The following PDZD2 variants were observed in gnomAD, a reference collection of about 807,000 sequenced individuals.
The protein encoded by PDZD2 is PDZ domain containing 2.
In PDZD2, 90 loss-of-function variants were observed where a neutral mutation model predicts 220.7. That is an observed-to-expected ratio of 0.41 (90% CI 0.34 to 0.49). The LOEUF is 0.49. Among genes scored for constraint, PDZD2 ranks in the 20% least tolerant of loss-of-function variants. The pLI is 0.28. For missense variants in PDZD2, 3,174 were observed against 3,608.5 expected (o/e 0.88, Z 3.08); for synonymous variants, 1,375 against 1,450.5 (o/e 0.95, Z 1.18).
At chr5:31,937,598 C>G in intron 2 of PDZD2, among the ~76,000 whole-genome samples, 1 of 152,300 alleles carries the variant, frequency 6.6e-6, no homozygotes, top group Non-Finnish European at 1.5e-5. Context: ...GTCAAGCAAG[C>G]CCACACATCA....
chr5:31,719,515 CTAAA>C (rs1202948490), intron 1 of PDZD2, among the ~76,000 whole-genome samples: 1 of 152,136 alleles, frequency 6.6e-6, no homozygotes, highest in Non-Finnish European at 1.5e-5. Flanking sequence ...ACTCCTTGTA[CTAAA>C]TAAATTATTT....
chr5:31,924,482 G>T (rs978916133), intron 2 of PDZD2, among the ~76,000 whole-genome samples: 3 of 152,180 alleles, frequency 2.0e-5, no homozygotes, highest in African/African-American at 7.2e-5. Context: ...AATCGCTCCT[G>T]ATTCCCCCAG....
intron 12 of PDZD2, 120 bp downstream of exon 12, chr5:32,058,223 C>G (rs538762164): frequency 2.4e-5 from 16 of 659,156 alleles, no homozygotes; most frequent in African/African-American, 2.2e-4. Flanking sequence ...CTTCTATCAA[C>G]AACACGTGGT....
chr5:31,908,642 T>TATCG, intron 2 of PDZD2: 1 of 1,056,528 alleles, frequency 9.5e-7, no homozygotes, highest in Non-Finnish European at 1.4e-6. Context: ...GGTTACGTGA[T>TATCG]ATCAAAGACA....
At chr5:31,709,972 C>CATTTCTCTAAAAAAAAGAA (rs1748011250) in intron 1 of PDZD2, among the ~76,000 whole-genome samples, 2 of 152,288 alleles carry the variant, frequency 1.3e-5, no homozygotes, top group African/African-American at 4.8e-5. Context: ...AAGAAAGTCA[C>CATTTCTCTAAAAAAAAGAA]ATCAACACAT....
At chr5:31,960,848 ATATTT>A (rs1218097575) in intron 2 of PDZD2, among the ~76,000 whole-genome samples, 3 of 152,170 alleles carry the variant, frequency 2.0e-5, no homozygotes, top group East Asian at 3.9e-4. Flanking sequence ...ATGCTATGTA[ATATTT>A]TATATAAAGT....
chr5:31,811,991 A>AGAAT (rs1755141432), intron 2 of PDZD2, among the ~76,000 whole-genome samples: 1 of 138,788 alleles, frequency 7.2e-6, no homozygotes, highest in South Asian at 2.4e-4. Flanking sequence ...CTCTGTCTCA[A>AGAAT]AAATAAATAA....
intron 3 of PDZD2, among the ~76,000 whole-genome samples, chr5:31,988,914 T>C (rs1750948602): frequency 1.3e-5 from 2 of 152,164 alleles, no homozygotes; most frequent in Non-Finnish European, 2.9e-5. Flanking sequence ...TGCCGCCTGC[T>C]CTGTCATTAG....
At chr5:31,894,523 AT>A (rs1287987748) in intron 2 of PDZD2, among the ~76,000 whole-genome samples, 18 of 152,166 alleles carry the variant, frequency 1.2e-4, no homozygotes, top group South Asian at 2.1e-4. Context: ...CTTTAAAAAA[AT>A]AATCTTTAAA....
intron 2 of PDZD2, among the ~76,000 whole-genome samples, chr5:31,950,889 C>T (rs924395128): frequency 3.3e-5 from 5 of 152,132 alleles, no homozygotes; most frequent in Admixed American, 3.3e-4. Context: ...ATACCTTAGA[C>T]TGGGTTGTTG....
chr5:31,961,464 G>C (rs548463954), intron 2 of PDZD2, among the ~76,000 whole-genome samples: 108 of 152,166 alleles, frequency 7.1e-4, no homozygotes, highest in African/African-American at 2.5e-3. Flanking sequence ...GAGCTCAGGA[G>C]GTCGAGGCTG....
At position 31,689,334 on chromosome 5, in the gene PDZD2, TAC is replaced by T. The variant is rs1747008572; in HGVS notation, c.-361+49899_-361+49900del. Among the ~76,000 whole-genome samples the T allele has an allele frequency of 4.7e-4, 27 of 57,062 alleles. 1 individual carries two copies. The highest frequency in any genetic ancestry group is 3.4e-3 in the African/African-American group (27 of 7,868). 37.4% of individuals were successfully genotyped at this position (57,062 alleles called of 152,430 possible). ...ATACATATACACATATATATACATA[TAC>T]ATATATATATATATATATTTTTTTT... On this transcript the variant is annotated intron_variant, in intron 1 of 24. Coordinates refer to ENST00000438447, the MANE Select transcript of PDZD2 (RefSeq NM_178140.4).
chr5:31,725,603 A>C, intron 1 of PDZD2: 1 of 1,486,126 alleles, frequency 6.7e-7, no homozygotes, highest in Non-Finnish European at 9.4e-7. Context: ...TATGATCTTG[A>C]CTGAGATTTG....
chr5:31,983,946 A>G (rs1432092779), intron 3 of PDZD2, among the ~76,000 whole-genome samples: 4 of 152,218 alleles, frequency 2.6e-5, no homozygotes, highest in Non-Finnish European at 5.9e-5. Context: ...TGGAAAACTC[A>G]AGCCTTCTGT....
At chr5:32,059,956 T>A (rs1482015771) in intron 13 of PDZD2, among the ~76,000 whole-genome samples, 1 of 152,172 alleles carries the variant, frequency 6.6e-6, no homozygotes, top group Non-Finnish European at 1.5e-5. Context: ...TTCTATTATA[T>A]AGAAATTGCA....
chr5:31,987,676 A>G (rs1030537134), intron 3 of PDZD2, among the ~76,000 whole-genome samples: 2 of 152,108 alleles, frequency 1.3e-5, no homozygotes, highest in Non-Finnish European at 2.9e-5. Context: ...AACTCAGCAC[A>G]TCATTTTCCC....
chr5:31,937,962 G>A (rs1362933924), intron 2 of PDZD2, among the ~76,000 whole-genome samples: 4 of 152,242 alleles, frequency 2.6e-5, no homozygotes, highest in Admixed American at 1.3e-4. Context: ...CTAAGAATGT[G>A]TTTTATGTTT....
chr5:32,110,447 C>T lies in PDZD2; in HGVS notation c.*2312C>T, dbSNP rs1439552185. 1.3e-5 allele frequency: 2 copies of T among 152,610 alleles called. No homozygotes were observed. Among genetic ancestry groups the T allele is most frequent in the Admixed American group, 6.5e-5 (1 of 15,272 alleles). 9.5% of individuals were successfully genotyped at this position (152,610 alleles called of 1,614,324 possible). ...CTTTGACCCTAAGATAGATAGAAAG[C>T]TATTTATTTGTCTTCAGTGTTCAAG... is the stretch of plus-strand genomic sequence containing the variant. On this transcript the variant is annotated 3_prime_UTR_variant, in exon 25 of 25. Transcript: ENST00000438447.
chr5:31,784,075 G>T (rs1294595777), intron 1 of PDZD2, among the ~76,000 whole-genome samples: 2 of 152,168 alleles, frequency 1.3e-5, no homozygotes, highest in Non-Finnish European at 2.9e-5. Flanking sequence ...AGGCTCCTCG[G>T]TAGGGCTCCA....
Sources: allele counts gnomAD v4.1 joint callset (sites outside exome capture counted in the v4.1 genomes callset), GRCh38; gene constraint gnomAD v4.1.1; transcripts MANE v1.5; gene names NCBI Gene and HGNC (gene_info 2026-07-23, HGNC 2026-07-21).